The following GSN variants were observed in gnomAD, a reference collection of about 807,000 sequenced individuals.
The protein encoded by GSN is gelsolin.
A neutral mutation model predicts 85.7 loss-of-function variants in GSN; 56 were observed. The observed-to-expected ratio is 0.65, with a 90% confidence interval of 0.53 to 0.82. GSN has a LOEUF of 0.82. GSN is among the 40% of genes least tolerant of loss of function. The pLI, the probability that GSN is intolerant of heterozygous loss-of-function variation, is 0.00. For synonymous variants in GSN, 373 were observed against 399.1 expected (o/e 0.93, Z 0.78); for missense variants, 857 against 979.8 (o/e 0.87, Z 1.67).
At chr9:121,312,578 G>GA (rs779668368) in intron 6 of GSN, 90 bp downstream of exon 6, 39,669 of 499,518 alleles carry the variant, frequency 0.079, no homozygotes, top group South Asian at 0.13. Flanking sequence ...TGAATTTGAG[G>GA]AAAAAAAAAA....
chr9:121,304,925 T>A (rs2060247987), intron 4 of GSN, among the ~76,000 whole-genome samples: 1 of 152,118 alleles, frequency 6.6e-6, no homozygotes, highest in South Asian at 2.1e-4. Context: ...GAAGAGTTAA[T>A]CCATTGCCTC....
chr9:121,300,086 A>G, intron 2 of GSN: 1 of 1,610,932 alleles, frequency 6.2e-7, no homozygotes. Context: ...GGAAAAGGGG[A>G]GTAATTCAGG....
chr9:121,266,868 G>A (rs534591416), upstream of GSN, among the ~76,000 whole-genome samples: 62 of 152,340 alleles, frequency 4.1e-4, 2 homozygotes, highest in South Asian at 0.012. Flanking sequence ...GCAGGAGGAA[G>A]AGCCAGGGTG....
chr9:121,299,718 T>A lies in GSN; in HGVS notation c.-9-2245T>A. 1 of 1,006,252 alleles carries A rather than the reference T, an allele frequency of 9.9e-7. No individual in the cohort carries two copies. The highest frequency in any genetic ancestry group is 4.2e-5 in the South Asian group (1 of 23,688). 62.3% of individuals were successfully genotyped at this position (1,006,252 alleles called of 1,614,324 possible). A position where few individuals can be genotyped will look rare whatever the true frequency, so the allele number is the denominator to read the frequency against. On this transcript the variant is annotated intron_variant, in intron 2 of 17. Transcript: ENST00000432226. This position sits in a 1 kb window ranked among gnomAD's most constrained non-coding sequence, Gnocchi z 4.2. Reference sequence around the variant, plus strand: ...GGGTCGATCCGGGTGGGAACCCAGATGTCTCCAAGATCCGAGACAGATCCC... The same window carrying A: ...GGGTCGATCCGGGTGGGAACCCAGAAGTCTCCAAGATCCGAGACAGATCCC...
At chr9:121,272,495 C>T (rs1161532075) in intron 1 of GSN, among the ~76,000 whole-genome samples, 3 of 152,186 alleles carry the variant, frequency 2.0e-5, no homozygotes, top group African/African-American at 7.2e-5. Context: ...CCCACATGTA[C>T]TTGGGTCCGG....
intron 11 of GSN, among the ~76,000 whole-genome samples, chr9:121,324,181 T>C (rs960218321): frequency 6.6e-6 from 1 of 152,216 alleles, no homozygotes; most frequent in African/African-American, 2.4e-5. Flanking sequence ...CTCGTAACAC[T>C]TGCTATTCTG....
Position 121,318,749 on chromosome 9 carries a change from C to T in GSN, c.1060C>T (p.Leu354=). ...NWRDPDQTDG[L]GLSYLSSHIA... ...GCGGGACCCAGACCAGACAGATGGC[C>T]TGGGCTTGTCCTACCTTTCCAGCCA... The change falls in exon 10 of 18, where the codon CTG becomes TTG. Residue 354 remains leucine (L), a synonymous_variant. Transcript: ENST00000432226. This position sits in a 1 kb window ranked among gnomAD's most constrained non-coding sequence, Gnocchi z 4.3. 11 of 1,613,892 alleles carry T rather than the reference C, an allele frequency of 6.8e-6. No homozygotes were observed. The highest frequency in any genetic ancestry group is 9.3e-6 in the Non-Finnish European group (11 of 1,179,860).
chr9:121,228,910 C>T (rs1393433726), intron 4 of GSN, among the ~76,000 whole-genome samples: 3 of 152,084 alleles, frequency 2.0e-5, no homozygotes, highest in African/African-American at 7.2e-5. Flanking sequence ...CTTCCTGAAC[C>T]ATTTGAAAGT....
chr9:121,279,762 G>T (rs191315260), intron 1 of GSN: 2 of 152,048 alleles, frequency 1.3e-5, no homozygotes, highest in Non-Finnish European at 2.9e-5. Context: ...TAGAAAGAAG[G>T]GGGGCTGGAT....
intron 11 of GSN, among the ~76,000 whole-genome samples, chr9:121,323,513 G>A (rs1426067772): frequency 6.6e-6 from 1 of 151,818 alleles, no homozygotes; most frequent in African/African-American, 2.4e-5. Context: ...GGGACTACAG[G>A]TGTGCGCCAA....
rs556331496 is a variant in GSN, at chr9:121,327,526, A to G, written c.1762+44A>G. ...GGCCTGCTGCTGTCCGGATGCAGCT[A>G]TTAAGTTTCCCCCTTCTTTCCTTCA... On this transcript the variant is annotated intron_variant, in intron 14 of 17. Coordinates refer to ENST00000432226, the MANE Select transcript of GSN (RefSeq NM_198252.3). 5 of 1,480,498 alleles carry G rather than the reference A, an allele frequency of 3.4e-6. No individual in the cohort carries two copies. In the African/African-American group the frequency reaches 5.6e-5, roughly 17 times the overall value. The allele number at this position is 1,480,498 out of a possible 1,614,324, so 91.7% of individuals were successfully genotyped here.
intron 2 of GSN, chr9:121,300,066 TACA>T: frequency 6.2e-7 from 1 of 1,608,870 alleles, no homozygotes; most frequent in South Asian, 1.1e-5. Context: ...TTCTTGCAGA[TACA>T]GCGCTAGGAA....
chr9:121,248,432 T>C (rs1440142571), intron 6 of GSN: 2 of 152,422 alleles, frequency 1.3e-5, no homozygotes, highest in African/African-American at 2.4e-5. Flanking sequence ...TTCCCTTCTC[T>C]TGCCTTCCTT....
chr9:121,317,610 G>C, intron 8 of GSN: 1 of 294,642 alleles, frequency 3.4e-6, no homozygotes, highest in Non-Finnish European at 6.6e-6. Flanking sequence ...TTCATTTACA[G>C]GGGGGCTTTT....
At chr9:121,324,173 C>T (rs1346648347) in intron 11 of GSN, among the ~76,000 whole-genome samples, 2 of 152,154 alleles carry the variant, frequency 1.3e-5, no homozygotes, top group Non-Finnish European at 1.5e-5. Context: ...AATAGGCTCT[C>T]GTAACACTTG....
chr9:121,261,666 G>T lies in GSN; in HGVS notation c.-340-3488G>T, dbSNP rs2055087542. ...TAAGACCCATCCATCTTGCCATATG[G>T]CTTGGTCTCCCGTAACTCAGTGGAT... On this transcript the variant is annotated intron_variant, in intron 6 of 24. Transcript: ENST00000373823. This position sits in a 1 kb window ranked among gnomAD's most constrained non-coding sequence, Gnocchi z 4.1. Among the ~76,000 whole-genome samples, 1 of 152,130 alleles carries T rather than the reference G, an allele frequency of 6.6e-6. No individual in the cohort carries two copies.
At position 121,261,033 on chromosome 9, in the gene GSN, C is replaced by T. The variant is rs1257266403; in HGVS notation, c.-340-4121C>T. 1.3e-5 allele frequency among the ~76,000 whole-genome samples: 2 copies of T among 152,196 alleles called. No homozygotes were observed. The highest frequency in any genetic ancestry group is 2.9e-5 in the Non-Finnish European group (2 of 68,044). On this transcript the variant is annotated intron_variant, in intron 6 of 24. Coordinates refer to the GSN transcript ENST00000373823. This position sits in a 1 kb window ranked among gnomAD's most constrained non-coding sequence, Gnocchi z 4.1. ...CATTGCTGGCCCGATTGTGTTTCAACTCCAAGAAACAGCACAACATTTGAA... is the reference window on the plus strand; with the variant it reads ...CATTGCTGGCCCGATTGTGTTTCAATTCCAAGAAACAGCACAACATTTGAA...
chr9:121,206,635 C>A (rs2053885432), upstream of GSN, among the ~76,000 whole-genome samples: 1 of 152,074 alleles, frequency 6.6e-6, no homozygotes. Flanking sequence ...AAGCACCCTA[C>A]CGGAGACTCA....
intron 2 of GSN, among the ~76,000 whole-genome samples, chr9:121,298,090 A>G (rs892405500): frequency 1.3e-5 from 2 of 151,968 alleles, no homozygotes; most frequent in South Asian, 2.1e-4. Flanking sequence ...GAACTCAGGT[A>G]TCCCTCTGGG....
Sources: allele counts gnomAD v4.1 joint callset (sites outside exome capture counted in the v4.1 genomes callset), GRCh38; gene constraint gnomAD v4.1.1; non-coding constraint Gnocchi (gnomAD v3.1); transcripts MANE v1.5; gene names NCBI Gene and HGNC (gene_info 2026-07-23, HGNC 2026-07-21).